Variants in RALYL observed in about 807,000 individuals in gnomAD.
RALYL encodes the protein RALY RNA binding protein like.
In RALYL, 29 loss-of-function variants were observed where a neutral mutation model predicts 35.1. The observed-to-expected ratio is 0.83, with a 90% CI of 0.61 to 1.13. The LOEUF (loss-of-function observed/expected upper bound fraction) is 1.13. Among genes scored for constraint, RALYL ranks in the 50% most tolerant of loss-of-function variants. The probability of loss-of-function intolerance (pLI) is 0.00; values close to 1 mark genes in which losing one functional copy is unlikely to be tolerated. For missense variants in RALYL, 359 were observed against 360.4 expected (o/e 1.00, Z 0.03); for synonymous variants, 120 against 127.6 (o/e 0.94, Z 0.40).
intron 1 of RALYL, among the ~76,000 whole-genome samples, chr8:84,255,417 T>C (rs1831025559): frequency 6.6e-6 from 1 of 152,086 alleles, no homozygotes; most frequent in Non-Finnish European, 1.5e-5. Flanking sequence ...TTGACAGAAT[T>C]TGGGGAAACA....
chr8:84,526,416 C>A (rs1209836043), intron 1 of RALYL, among the ~76,000 whole-genome samples: 1 of 152,098 alleles, frequency 6.6e-6, no homozygotes, highest in Non-Finnish European at 1.5e-5. Context: ...TAAGGCTCAC[C>A]CTTCTGATGC....
intron 1 of RALYL, among the ~76,000 whole-genome samples, chr8:84,265,400 G>A (rs963751246): frequency 6.6e-5 from 10 of 152,140 alleles, no homozygotes; most frequent in East Asian, 1.9e-4. Context: ...CCAACCTGCC[G>A]TTACTGGCTT....
intron 1 of RALYL, among the ~76,000 whole-genome samples, chr8:84,412,083 T>G (rs1462330496): frequency 6.6e-6 from 1 of 151,988 alleles, no homozygotes; most frequent in African/African-American, 2.4e-5. Context: ...CTAAAATTCA[T>G]TATTTCAGCA....
At chr8:84,371,798 A>G (rs1006868690) in intron 1 of RALYL, among the ~76,000 whole-genome samples, 1 of 152,062 alleles carries the variant, frequency 6.6e-6, no homozygotes, top group African/African-American at 2.4e-5. Flanking sequence ...GTTTCTTGGG[A>G]AAAAAATAAA....
intron 1 of RALYL, among the ~76,000 whole-genome samples, chr8:84,341,928 G>A (rs1848862677): frequency 6.6e-6 from 1 of 151,834 alleles, no homozygotes; most frequent in Admixed American, 6.6e-5. Flanking sequence ...TCATAAAATT[G>A]TGATAAGGAG....
At chr8:84,750,965 T>G (rs1190847233) in intron 2 of RALYL, among the ~76,000 whole-genome samples, 1 of 152,218 alleles carries the variant, frequency 6.6e-6, no homozygotes, top group Non-Finnish European at 1.5e-5. Context: ...TCCCTGCATT[T>G]ATCTTGCTGA....
rs201137875 is a variant in RALYL at position 84,776,861 on chromosome 8, A to AT, written c.332+2209dup. ...GCAGAATTTCATTTAAATATGCTAT[A>AT]TTGCATACAAGCCACATTAGTGAGA... is the stretch of plus-strand genomic sequence containing the variant. On this transcript the variant is annotated intron_variant, in intron 3 of 8. Transcript: ENST00000521268. 7.4e-3 allele frequency among the ~76,000 whole-genome samples: 1,129 copies of AT among 152,312 alleles called. 17 individuals carry two copies. Among genetic ancestry groups the AT allele is most frequent in the African/African-American group, 0.025 (1,025 of 41,576 alleles).
intron 2 of RALYL, among the ~76,000 whole-genome samples, chr8:84,577,544 C>G (rs1809757058): frequency 6.6e-6 from 1 of 152,092 alleles, no homozygotes; most frequent in African/African-American, 2.4e-5. Context: ...GAAAAACTGT[C>G]AGAATTTTAC....
chr8:84,594,512 A>G (rs1288631565), intron 2 of RALYL, among the ~76,000 whole-genome samples: 1 of 152,010 alleles, frequency 6.6e-6, no homozygotes, highest in Non-Finnish European at 1.5e-5. Context: ...TATTCAGCAT[A>G]TTTATATTGT....
chr8:84,460,023 A>G (rs980589583), intron 1 of RALYL, among the ~76,000 whole-genome samples: 1 of 151,748 alleles, frequency 6.6e-6, no homozygotes, highest in Non-Finnish European at 1.5e-5. Context: ...AAGATGTTGA[A>G]GTGTAGTCGA....
chr8:84,744,802 G>A (rs1357420371), intron 2 of RALYL, among the ~76,000 whole-genome samples: 2 of 151,830 alleles, frequency 1.3e-5, no homozygotes, highest in Admixed American at 1.3e-4. Flanking sequence ...TGATGGTCTC[G>A]ATACAGAACT....
chr8:84,578,510 G>A (rs1810041747), intron 2 of RALYL, among the ~76,000 whole-genome samples: 1 of 152,226 alleles, frequency 6.6e-6, no homozygotes, highest in African/African-American at 2.4e-5. Flanking sequence ...GAAGTACATG[G>A]ACAACTGGTA....
chr8:84,270,912 C>G (rs1018594530), intron 1 of RALYL, among the ~76,000 whole-genome samples: 3 of 151,680 alleles, frequency 2.0e-5, no homozygotes, highest in African/African-American at 7.3e-5. Flanking sequence ...TCAGAGGAGT[C>G]AAATGGAATC....
intron 1 of RALYL, among the ~76,000 whole-genome samples, chr8:84,276,342 C>T (rs1226502231): frequency 6.6e-6 from 1 of 152,136 alleles, no homozygotes; most frequent in Non-Finnish European, 1.5e-5. Flanking sequence ...TTTATGGACA[C>T]CTTTATGGAA....
chr8:84,207,780 T>A (rs1245933602), intron 1 of RALYL, among the ~76,000 whole-genome samples: 1 of 151,436 alleles, frequency 6.6e-6, no homozygotes, highest in Non-Finnish European at 1.5e-5. Flanking sequence ...TTACCTTGAC[T>A]GTGATAATCA....
At chr8:84,907,991 A>G (rs553306178) in intron 8 of RALYL, among the ~76,000 whole-genome samples, 2 of 152,292 alleles carry the variant, frequency 1.3e-5, no homozygotes, top group African/African-American at 4.8e-5. Context: ...TAAGACTGAC[A>G]CAAACATAAA....
intron 1 of RALYL, among the ~76,000 whole-genome samples, chr8:84,425,319 G>C (rs1296175479): frequency 6.6e-6 from 1 of 152,082 alleles, no homozygotes; most frequent in Non-Finnish European, 1.5e-5. Flanking sequence ...TTTTCCAGGT[G>C]CGTCCGTCAC....
intron 2 of RALYL, among the ~76,000 whole-genome samples, chr8:84,606,455 T>C (rs1051277940): frequency 1.3e-5 from 2 of 152,170 alleles, no homozygotes; most frequent in African/African-American, 2.4e-5. Context: ...TTTACATTGT[T>C]TTAATTTAAA....
At chr8:84,662,642 C>T (rs553855588) in intron 2 of RALYL, among the ~76,000 whole-genome samples, 10 of 151,958 alleles carry the variant, frequency 6.6e-5, no homozygotes, top group African/African-American at 1.9e-4. Context: ...AATCATTATA[C>T]CAATCTCTTG....
Sources: allele counts gnomAD v4.1 joint callset (sites outside exome capture counted in the v4.1 genomes callset), GRCh38; gene constraint gnomAD v4.1.1; transcripts MANE v1.5; gene names NCBI Gene and HGNC (gene_info 2026-07-23, HGNC 2026-07-21).